Variants in UNC13B observed in about 807,000 individuals in gnomAD.
The protein encoded by UNC13B is unc-13 homolog B.
In UNC13B, 144 loss-of-function variants were observed where a neutral mutation model predicts 211.0. The ratio of observed to expected loss-of-function variants is 0.68; its 90% CI spans 0.60 to 0.78. The LOEUF is 0.78. Ranked by LOEUF, UNC13B falls within the 30% of genes least tolerant of loss-of-function variation. The pLI is 0.00. For missense variants in UNC13B, 1,777 were observed against 2,002.0 expected (o/e 0.89, Z 2.14); for synonymous variants, 709 against 725.8 (o/e 0.98, Z 0.37).
chr9:35,378,160 A>G, intron 16 of UNC13B, 135 bp from the exon 17 acceptor site: 1 of 1,295,288 alleles, frequency 7.7e-7, no homozygotes, highest in Non-Finnish European at 1.0e-6. Context: ...CCCAGGACAA[A>G]GAATAAATAT....
Position 35,403,982 on chromosome 9 carries a change from A to C in UNC13B, c.12972A>C (p.Arg4324=), listed in dbSNP as rs757209038. 60 of 1,613,944 alleles carry C rather than the reference A, an allele frequency of 3.7e-5. 1 individual carries two copies. The highest frequency in any genetic ancestry group is 3.3e-4 in the Middle Eastern group (2 of 6,046). Residue 4324 remains arginine, a synonymous_variant, in exon 40 of 40, where the codon CGA becomes CGC. Coordinates refer to ENST00000635942, the MANE Select transcript of UNC13B (RefSeq NM_001371189.2). Reference sequence around the variant, plus strand: ...AGAGGAGCAATGACGAGGTGGCCCGAGAATTTGTGAAACTCAAATCAGAGT... The same window carrying C: ...AGAGGAGCAATGACGAGGTGGCCCGCGAATTTGTGAAACTCAAATCAGAGT... The part of the protein sequence containing the change: ...LSQRSNDEVA[R]EFVKLKSESR...
chr9:35,225,199 C>T (rs192264874), intron 1 of UNC13B, among the ~76,000 whole-genome samples: 3 of 152,256 alleles, frequency 2.0e-5, no homozygotes, highest in Admixed American at 2.0e-4. Flanking sequence ...CTCACTCTGT[C>T]ACCCCCGCTG....
chr9:35,234,335 G>T (rs1825374689), intron 3 of UNC13B, among the ~76,000 whole-genome samples: 1 of 152,058 alleles, frequency 6.6e-6, no homozygotes, highest in African/African-American at 2.4e-5. Context: ...GTCCAGGCTG[G>T]TCTCAAACTC....
intron 1 of UNC13B, among the ~76,000 whole-genome samples, chr9:35,217,859 TATA>T (rs1183905204): frequency 6.6e-6 from 1 of 151,988 alleles, no homozygotes; most frequent in Admixed American, 6.6e-5. Context: ...GCCTGAGCAA[TATA>T]ATGAGACCTT....
At chr9:35,279,379 C>T (rs980516532) in intron 7 of UNC13B, among the ~76,000 whole-genome samples, 1 of 152,158 alleles carries the variant, frequency 6.6e-6, no homozygotes, top group Non-Finnish European at 1.5e-5. Flanking sequence ...GTCCTTTATC[C>T]CATCTTATGG....
chr9:35,207,474 T>A (rs1823722551), intron 1 of UNC13B, among the ~76,000 whole-genome samples: 1 of 75,868 alleles, frequency 1.3e-5, no homozygotes, highest in Admixed American at 1.4e-4. Context: ...GAGAAGAAAT[T>A]AATTTTTATT....
At chr9:35,202,122 T>A (rs1823338953) in intron 1 of UNC13B, among the ~76,000 whole-genome samples, 1 of 152,212 alleles carries the variant, frequency 6.6e-6, no homozygotes, top group African/African-American at 2.4e-5. Context: ...GAGCAGGTTG[T>A]TGAGTTTCCA....
At chr9:35,237,893 T>C in intron 5 of UNC13B, 67 bp downstream of exon 5, 1 of 1,497,836 alleles carries the variant, frequency 6.7e-7, no homozygotes, top group Non-Finnish European at 9.0e-7. Context: ...GCTAGTTGTT[T>C]CATTAATGTA....
At chr9:35,315,870 G>T (rs1388802664) in intron 11 of UNC13B, among the ~76,000 whole-genome samples, 1 of 152,088 alleles carries the variant, frequency 6.6e-6, no homozygotes, top group African/African-American at 2.4e-5. Flanking sequence ...CTCATGTCCG[G>T]ACTGAGGCCA....
At chr9:35,179,372 A>C (rs965965111) in intron 1 of UNC13B, among the ~76,000 whole-genome samples, 3 of 152,162 alleles carry the variant, frequency 2.0e-5, no homozygotes, top group African/African-American at 4.8e-5. Context: ...GGAGTTTAAT[A>C]AAATCCCTTT....
intron 6 of UNC13B, 39 bp downstream of exon 6, chr9:35,243,403 A>T (rs899619398): frequency 6.2e-7 from 1 of 1,603,564 alleles, no homozygotes; most frequent in Non-Finnish European, 8.5e-7. Flanking sequence ...GAGATGGGGG[A>T]AAATCTCCAA....
chr9:35,286,643 C>T (rs886844617), intron 7 of UNC13B, among the ~76,000 whole-genome samples: 1 of 151,978 alleles, frequency 6.6e-6, no homozygotes, highest in Non-Finnish European at 1.5e-5. Context: ...TAGGATGACT[C>T]CAGAAGCTTG....
intron 13 of UNC13B, 30 bp downstream of exon 13, chr9:35,370,426 CAGT>C: frequency 6.2e-7 from 1 of 1,608,452 alleles, no homozygotes. Flanking sequence ...CAGGCATAGG[CAGT>C]AGCCTTGGGG....
At chr9:35,322,329 C>A (rs183403505) in intron 11 of UNC13B, among the ~76,000 whole-genome samples, 13 of 152,020 alleles carry the variant, frequency 8.6e-5, no homozygotes, top group Non-Finnish European at 1.3e-4. Context: ...GCTCTAGAAA[C>A]GGAGATTGCG....
intron 11 of UNC13B, among the ~76,000 whole-genome samples, chr9:35,326,893 A>G (rs763662206): frequency 3.3e-5 from 5 of 152,202 alleles, no homozygotes; most frequent in Non-Finnish European, 5.9e-5. Context: ...TCCTCCGCTC[A>G]TTTTTAAATT....
chr9:35,381,791 G>C (rs904428226), intron 20 of UNC13B, 72 bp downstream of exon 20: 26 of 1,568,996 alleles, frequency 1.7e-5, no homozygotes, highest in Non-Finnish European at 2.1e-5. Context: ...CACTGACATG[G>C]TGGGCAGGTC....
chr9:35,197,471 G>A (rs1254458626), intron 1 of UNC13B, among the ~76,000 whole-genome samples: 1 of 152,206 alleles, frequency 6.6e-6, no homozygotes, highest in Non-Finnish European at 1.5e-5. Flanking sequence ...GCCTCCCAAA[G>A]TGTTGGGATT....
intron 1 of UNC13B, among the ~76,000 whole-genome samples, chr9:35,183,471 G>A (rs557626816): frequency 5.3e-5 from 7 of 132,386 alleles, no homozygotes; most frequent in African/African-American, 1.7e-4. Context: ...CAGGCAGGGC[G>A]GCCGGGCAGA....
chr9:35,195,820 T>G (rs1822903558), intron 1 of UNC13B, among the ~76,000 whole-genome samples: 1 of 152,168 alleles, frequency 6.6e-6, no homozygotes, highest in South Asian at 2.1e-4. Flanking sequence ...TCCCCCTCCT[T>G]CACAAACATC....
Sources: allele counts gnomAD v4.1 joint callset (sites outside exome capture counted in the v4.1 genomes callset), GRCh38; gene constraint gnomAD v4.1.1; transcripts MANE v1.5; gene names NCBI Gene and HGNC (gene_info 2026-07-23, HGNC 2026-07-21).